Variants in IMMP2L observed in about 807,000 individuals in gnomAD.
The protein encoded by IMMP2L is inner mitochondrial membrane peptidase subunit 2.
In IMMP2L, 18 loss-of-function variants were observed where a neutral mutation model predicts 19.3. The ratio of observed to expected loss-of-function variants is 0.93; its 90% CI spans 0.64 to 1.38. The LOEUF (loss-of-function observed/expected upper bound fraction) is 1.38. IMMP2L is among the 40% of genes most tolerant of loss of function. The probability of loss-of-function intolerance (pLI) is 0.00; values close to 1 mark genes in which losing one functional copy is unlikely to be tolerated. For synonymous variants in IMMP2L, 76 were observed against 73.0 expected, an observed-to-expected ratio of 1.04 and a Z score of -0.21; for missense variants, 233 against 218.2, an observed-to-expected ratio of 1.07 and a Z score of -0.43.
Position 110,887,723 on chromosome 7 carries a change from T to A in IMMP2L, c.306-1028A>T, listed in dbSNP as rs572049721. Among the ~76,000 whole-genome samples, 24 of 151,872 alleles carry A rather than the reference T, an allele frequency of 1.6e-4. 1 individual carries two copies. Among genetic ancestry groups the A allele is most frequent in the African/African-American group, 5.8e-4 (24 of 41,478 alleles). ...ATCCTAATCCCACAATAAGAAGTTA[T>A]TTTGGGGCAGAGACTGCTTTTTTTT... On this transcript the variant is annotated intron_variant, in intron 4 of 5. Transcript: ENST00000405709.
chr7:111,030,899 TATATATATATATATATATATATATATAAA>T (rs1211097294), intron 3 of IMMP2L, among the ~76,000 whole-genome samples: 2 of 19,348 alleles, frequency 1.0e-4, no homozygotes, highest in Non-Finnish European at 2.6e-4. Context: ...TATATATATA[TATATATATATATATATATATATATATAAA>T]ATATATATAC....
intron 3 of IMMP2L, among the ~76,000 whole-genome samples, chr7:111,005,250 A>T (rs1024654367): frequency 5.9e-5 from 9 of 152,176 alleles, no homozygotes; most frequent in Admixed American, 2.6e-4. Flanking sequence ...TGTCTGACAC[A>T]CACCCAGGAA....
chr7:111,527,507 T>TAAG (rs1182040995), intron 1 of IMMP2L, among the ~76,000 whole-genome samples: 2 of 152,058 alleles, frequency 1.3e-5, no homozygotes, highest in Non-Finnish European at 2.9e-5. Flanking sequence ...TTTTAACTGT[T>TAAG]TCTTAAGAAC....
At chr7:111,124,020 G>A in intron 3 of IMMP2L, 1 of 1,614,024 alleles carries the variant, frequency 6.2e-7, no homozygotes, top group Non-Finnish European at 8.5e-7. Flanking sequence ...GGGACATGAT[G>A]GAAATTTGTC....
chr7:111,112,862 G>A (rs1415444035), intron 3 of IMMP2L, among the ~76,000 whole-genome samples: 1 of 152,106 alleles, frequency 6.6e-6, no homozygotes, highest in African/African-American at 2.4e-5. Flanking sequence ...CAGCACACCC[G>A]AAAATGTGGT....
intron 4 of IMMP2L, among the ~76,000 whole-genome samples, chr7:110,958,737 T>C (rs1195106361): frequency 6.6e-6 from 1 of 152,058 alleles, no homozygotes; most frequent in East Asian, 1.9e-4. Flanking sequence ...CAGCTGTCTG[T>C]CATGTGGATA....
At chr7:110,993,939 G>A (rs1262980988) in intron 3 of IMMP2L, among the ~76,000 whole-genome samples, 1 of 151,820 alleles carries the variant, frequency 6.6e-6, no homozygotes, top group African/African-American at 2.4e-5. Context: ...CCTCTCCAGT[G>A]TCTCTCATGC....
intron 3 of IMMP2L, among the ~76,000 whole-genome samples, chr7:111,466,749 T>C (rs567099551): frequency 6.6e-6 from 1 of 152,244 alleles, no homozygotes; most frequent in South Asian, 2.1e-4. Context: ...CAAACATATT[T>C]GGGAAAAAAC....
At chr7:110,730,433 G>A (rs1199349438) in intron 5 of IMMP2L, among the ~76,000 whole-genome samples, 4 of 152,164 alleles carry the variant, frequency 2.6e-5, no homozygotes, top group Non-Finnish European at 5.9e-5. Context: ...GGTTTGCCAG[G>A]GACTCTCAGG....
chr7:111,380,233 A>G (rs192580278), intron 3 of IMMP2L, among the ~76,000 whole-genome samples: 4 of 152,084 alleles, frequency 2.6e-5, no homozygotes. Flanking sequence ...GAGTTTTTAA[A>G]CATTTATTAA....
chr7:110,951,662 A>T (rs924488926), intron 4 of IMMP2L, among the ~76,000 whole-genome samples: 1 of 151,950 alleles, frequency 6.6e-6, no homozygotes, highest in Non-Finnish European at 1.5e-5. Flanking sequence ...AGAAATCAAT[A>T]ACTTTGCCAA....
chr7:111,430,307 C>T (rs1213068334), intron 3 of IMMP2L, among the ~76,000 whole-genome samples: 2 of 151,636 alleles, frequency 1.3e-5, no homozygotes, highest in Non-Finnish European at 1.5e-5. Context: ...TGTCTGACAA[C>T]TACAGCTATG....
chr7:110,857,577 T>C (rs1806926692), intron 5 of IMMP2L, among the ~76,000 whole-genome samples: 1 of 152,112 alleles, frequency 6.6e-6, no homozygotes, highest in Non-Finnish European at 1.5e-5. Context: ...CTGGATCTCA[T>C]CTCAAACTGA....
intron 3 of IMMP2L, among the ~76,000 whole-genome samples, chr7:111,185,557 C>T (rs926134241): frequency 1.3e-5 from 2 of 152,032 alleles, no homozygotes; most frequent in African/African-American, 4.8e-5. Flanking sequence ...TAACAATTAA[C>T]CACAAAAATA....
chr7:111,413,689 T>C (rs1311830834), intron 3 of IMMP2L, among the ~76,000 whole-genome samples: 1 of 151,946 alleles, frequency 6.6e-6, no homozygotes, highest in African/African-American at 2.4e-5. Flanking sequence ...TCAGCAAAGT[T>C]GAAACAGAAA....
chr7:111,097,870 C>A (rs1234314897), intron 3 of IMMP2L, among the ~76,000 whole-genome samples: 1 of 151,744 alleles, frequency 6.6e-6, no homozygotes, highest in Admixed American at 6.6e-5. Context: ...CAATATATAT[C>A]TACACAGATT....
rs547101613 is a variant in IMMP2L at position 111,051,328 on chromosome 7, T to A, written c.240-87763A>T. The stretch of plus-strand genomic sequence containing the variant: ...ATTTTGTTTCTGAGACCACTGAATA[T>A]TTTCCCTGGGGAGCATAGGAAAGTC... On this transcript the variant is annotated intron_variant, in intron 3 of 5. Transcript: ENST00000405709. 2.0e-5 allele frequency among the ~76,000 whole-genome samples: 3 copies of A among 152,266 alleles called. No individual in the cohort carries two copies. In the South Asian group the frequency reaches 6.2e-4, roughly 32 times the overall value.
chr7:110,897,046 C>T (rs1361514917), intron 4 of IMMP2L, among the ~76,000 whole-genome samples: 2 of 152,082 alleles, frequency 1.3e-5, no homozygotes, highest in Non-Finnish European at 2.9e-5. Context: ...AACTCCTGGC[C>T]TCAAGTGATC....
chr7:111,104,906 T>C (rs214886), intron 3 of IMMP2L, among the ~76,000 whole-genome samples: 9,335 of 151,588 alleles, frequency 0.062, 570 homozygotes, highest in African/African-American at 0.15. Flanking sequence ...AAGGGGACAG[T>C]CTCTCACACA....
Sources: gnomAD v4.1 joint callset for allele counts (sites outside exome capture counted in the v4.1 genomes callset) on GRCh38, gnomAD v4.1.1 for gene constraint, MANE v1.5 for transcripts, NCBI Gene and HGNC (gene_info 2026-07-23, HGNC 2026-07-21) for gene names.